The following TTLL3 variants were observed in gnomAD, a reference collection of about 807,000 sequenced individuals.
TTLL3 encodes tubulin monoglycylase TTLL3.
A neutral mutation model predicts 75.2 loss-of-function variants in TTLL3; 63 were observed. The ratio of observed to expected loss-of-function variants is 0.84; its 90% CI spans 0.68 to 1.03. The LOEUF (loss-of-function observed/expected upper bound fraction) is 1.03, where lower values mean the gene tolerates loss of function less well. Ranked by LOEUF, TTLL3 falls within the 50% of genes least tolerant of loss-of-function variation. The probability of loss-of-function intolerance (pLI) is 0.00; values close to 1 mark genes in which losing one functional copy is unlikely to be tolerated. For synonymous variants in TTLL3, 393 were observed against 418.5 expected (o/e 0.94, Z 0.74); for missense variants, 997 against 1,069.9 (o/e 0.93, Z 0.95).
chr3:9,810,442 A>T lies in TTLL3; in HGVS notation c.-42+48A>T. 7.0e-7 allele frequency: 1 copy of T among 1,425,598 alleles called. No individual in the cohort carries two copies. The highest frequency in any genetic ancestry group is 9.1e-7 in the Non-Finnish European group (1 of 1,094,352). The allele number at this position is 1,425,598 out of a possible 1,614,324, so 88.3% of individuals were successfully genotyped here. A position where few individuals can be genotyped will look rare whatever the true frequency, so the allele number is the denominator to read the frequency against. On this transcript the variant is annotated intron_variant, in intron 1 of 13. Transcript: ENST00000685419. This position sits in a 1 kb window ranked among gnomAD's most constrained non-coding sequence, Gnocchi z 4.4. The stretch of plus-strand genomic sequence containing the variant: ...GCTCTGGCCTACAGCGGCTGCGAGG[A>T]CGACAAGACGCTGGGGTGGAGGGAC...
rs778881462 is a variant in TTLL3, at chr3:9,833,099, C to T, written c.1684-5C>T. The T allele has an allele frequency of 6.2e-7, 1 of 1,614,058 alleles. No individual in the cohort carries two copies. Among genetic ancestry groups the T allele is most frequent in the Admixed American group, 1.7e-5 (1 of 60,016 alleles). On this transcript the variant is annotated splice_polypyrimidine_tract_variant and splice_region_variant and intron_variant, in intron 11 of 13. Transcript: ENST00000685419. ...GTGGGCCTTGTCTCCTCTTCTTGCC[C>T]ACAGCCTGCTGTGGAGGTGCCTCAA...
At position 9,816,155 on chromosome 3, in the gene TTLL3, G is replaced by A. The variant is rs1463911955; in HGVS notation, c.397G>A (p.Asp133Asn). ...DVLDCRFLSKDQMINHYARAG... is the reference protein window; with the variant it reads ...DVLDCRFLSKNQMINHYARAG... ...GCTCGACTGTCGCTTCCTCTCCAAG[G>A]ATCAGATGATAAACCACTACGCCCG... The change falls in exon 5 of 14, where the codon GAT becomes AAT. Residue 133 changes from aspartate (D) to asparagine (N), a missense_variant. Physicochemically the swap from Asp to Asn is conservative, Grantham distance 23. Transcript: ENST00000685419. 7.4e-7 allele frequency: 1 copy of A among 1,354,330 alleles called. No homozygotes were observed. Among genetic ancestry groups the A allele is most frequent in the East Asian group, 4.6e-5 (1 of 21,532 alleles). The allele number at this position is 1,354,330 out of a possible 1,614,324, so 83.9% of individuals were successfully genotyped here. A position where few individuals can be genotyped will look rare whatever the true frequency, so the allele number is the denominator to read the frequency against.
At chr3:9,831,784 C>T (rs942954282) in intron 11 of TTLL3, among the ~76,000 whole-genome samples, 2 of 147,166 alleles carry the variant, frequency 1.4e-5, no homozygotes, top group East Asian at 2.0e-4. Context: ...CTGATAGCTA[C>T]ATTTTTATTT....
Position 9,827,088 on chromosome 3 carries a change from G to A in TTLL3, c.1095G>A (p.Lys365=), listed in dbSNP as rs750845212. Residue 365 remains lysine, a synonymous_variant, in exon 10 of 14, where the codon AAG becomes AAA. Coordinates refer to ENST00000685419, the MANE Select transcript of TTLL3 (RefSeq NM_001387446.1). ...AGGACGGCAAGTGGGTGGTGCAGAA[G>A]TATATTGAGCGGCCCCTCCTCATCT... ...VMKDGKWVVQ[K]YIERPLLIFG... 6.2e-7 allele frequency: 1 copy of A among 1,614,236 alleles called. No individual in the cohort carries two copies. The highest frequency in any genetic ancestry group is 1.7e-5 in the Admixed American group (1 of 60,030).
At chr3:9,823,821 C>T (rs2080755855) in intron 8 of TTLL3, among the ~76,000 whole-genome samples, 1 of 152,216 alleles carries the variant, frequency 6.6e-6, no homozygotes. Context: ...AGGCTCCCGT[C>T]CTATTCAGTC....
At chr3:9,832,547 G>A (rs529743787) in intron 11 of TTLL3, among the ~76,000 whole-genome samples, 2 of 152,296 alleles carry the variant, frequency 1.3e-5, no homozygotes, top group East Asian at 3.9e-4. Flanking sequence ...CATACAGCTT[G>A]GCCTGATAGG....
intron 10 of TTLL3, chr3:9,828,096 C>G (rs567630426): frequency 7.1e-6 from 1 of 141,470 alleles, no homozygotes; most frequent in Non-Finnish European, 1.5e-5. Flanking sequence ...GAACTGAGAT[C>G]GTGCCATTGC....
At chr3:9,816,014 T>C in intron 4 of TTLL3, 60 bp from the exon 5 acceptor site, 1 of 1,297,180 alleles carries the variant, frequency 7.7e-7, no homozygotes, top group East Asian at 5.2e-5. Context: ...AGGGAGAGGC[T>C]GCCTTAGGCC....
chr3:9,832,080 A>ATTTT (rs34646268), intron 11 of TTLL3, among the ~76,000 whole-genome samples: 1,601 of 84,654 alleles, frequency 0.019, 107 homozygotes, highest in East Asian at 0.041. Context: ...CAATAGCTGC[A>ATTTT]TTTTTTTTTT....
chr3:9,818,824 G>A lies in TTLL3; in HGVS notation c.562G>A (p.Asp188Asn). 1 of 1,614,114 alleles carries A rather than the reference G, an allele frequency of 6.2e-7. No homozygotes were observed. The highest frequency in any genetic ancestry group is 8.5e-7 in the Non-Finnish European group (1 of 1,180,020). ...AEDDKKAFIEDFWLTAARNVL... is the reference protein window; with the variant it reads ...AEDDKKAFIENFWLTAARNVL... ...GGTATCCCCTGGCCTGGGAGCAGAG[G>A]ACTTCTGGCTGACTGCTGCCCGCAA... The change falls in exon 7 of 14, where the codon GAC (aspartate) becomes AAC (asparagine). Residue 188 changes from aspartate (D) to asparagine (N), a missense_variant and splice_region_variant. By Grantham distance (23) the Asp-to-Asn change is conservative. Coordinates refer to ENST00000685419, the MANE Select transcript of TTLL3 (RefSeq NM_001387446.1).
chr3:9,821,998 G>A (rs544848824), intron 8 of TTLL3, among the ~76,000 whole-genome samples: 54 of 119,056 alleles, frequency 4.5e-4, no homozygotes, highest in South Asian at 1.7e-3. Context: ...ATGAGACTCC[G>A]TCTCAAAAAA....
At chr3:9,816,523 C>CTATTTTTTTTTTTT (rs2079877374) in intron 5 of TTLL3, among the ~76,000 whole-genome samples, 1 of 103,992 alleles carries the variant, frequency 9.6e-6, no homozygotes, top group Non-Finnish European at 1.8e-5. Context: ...ACCTGGGTTT[C>CTATTTTTTTTTTTT]TTTTTTTTTT....
upstream of TTLL3, chr3:9,809,797 C>G (rs114567551): frequency 2.8e-3 from 1,090 of 387,706 alleles, 12 homozygotes; most frequent in African/African-American, 0.021. Flanking sequence ...AGCCCTCGCT[C>G]GACTGCCCCG....
chr3:9,809,926 G>A (rs2125658307), upstream of TTLL3: 1 of 133,124 alleles, frequency 7.5e-6, no homozygotes. Flanking sequence ...AGCCTAGGCA[G>A]GAACTTCCCG....
intron 8 of TTLL3, among the ~76,000 whole-genome samples, chr3:9,821,712 T>C (rs892451956): frequency 6.6e-6 from 1 of 152,158 alleles, no homozygotes; most frequent in African/African-American, 2.4e-5. Flanking sequence ...AATTAAGAAT[T>C]ATCAAGGTGG....
At chr3:9,817,353 G>A in intron 5 of TTLL3, 3 of 846,208 alleles carry the variant, frequency 3.5e-6, no homozygotes, top group Non-Finnish European at 4.3e-6. Context: ...GAACCCGGGA[G>A]GCAGAGCTTA....
upstream of TTLL3, chr3:9,810,200 G>A (rs1263199552): frequency 1.3e-6 from 2 of 1,481,890 alleles, no homozygotes; most frequent in Non-Finnish European, 1.8e-6. The surrounding 1 kb of genome is among the most constrained non-coding windows in gnomAD (Gnocchi z 4.4). Context: ...AGGCTGCCAT[G>A]GGCCGGCCCT....
At chr3:9,820,451 A>C in intron 7 of TTLL3, 95 bp from the exon 8 acceptor site, 1 of 1,560,884 alleles carries the variant, frequency 6.4e-7, no homozygotes. Flanking sequence ...GCTGGGCCTC[A>C]GGTAAGTGAC....
At chr3:9,832,192 TCTC>T (rs1163670075) in intron 11 of TTLL3, among the ~76,000 whole-genome samples, 2 of 145,442 alleles carry the variant, frequency 1.4e-5, no homozygotes, top group African/African-American at 2.6e-5. Flanking sequence ...TTCAAGCAAT[TCTC>T]CTGCCTCGAC....
Sources: gnomAD v4.1 joint callset for allele counts (sites outside exome capture counted in the v4.1 genomes callset) on GRCh38, gnomAD v4.1.1 for gene constraint, Gnocchi (gnomAD v3.1) non-coding constraint, MANE v1.5 for transcripts, NCBI Gene and HGNC (gene_info 2026-07-23, HGNC 2026-07-21) for gene names.